RPS6KC1: variants seen among roughly 807,000 people sequenced by gnomAD.
RPS6KC1 encodes inactive ribosomal protein S6 kinase delta-1.
Under a neutral mutation model 103.8 loss-of-function variants are expected in RPS6KC1, and 54 were observed. The observed-to-expected ratio is 0.52, with a 90% CI of 0.42 to 0.65. The LOEUF (loss-of-function observed/expected upper bound fraction) is 0.65. Among genes scored for constraint, RPS6KC1 ranks in the 30% least tolerant of loss-of-function variants. The pLI is 0.00. For synonymous variants in RPS6KC1, 439 were observed against 438.7 expected (o/e 1.00, Z -0.01); for missense variants, 1,151 against 1,253.8 (o/e 0.92, Z 1.24).
the RPS6KC1 span, among the ~76,000 whole-genome samples, chr1:213,596,768 A>G: frequency 1.3e-5 from 2 of 152,222 alleles, no homozygotes; most frequent in African/African-American, 4.8e-5. Flanking sequence ...GGCTCTGTTC[A>G]TTATTTACTT....
the RPS6KC1 span, among the ~76,000 whole-genome samples, chr1:213,467,302 A>G: frequency 1.3e-5 from 2 of 152,238 alleles, no homozygotes; most frequent in Non-Finnish European, 2.9e-5. Context: ...ATGTCATCCA[A>G]TAGTTCCCCT....
At chr1:213,829,868 G>A in the RPS6KC1 span, among the ~76,000 whole-genome samples, 2 of 152,188 alleles carry the variant, frequency 1.3e-5, no homozygotes, top group Non-Finnish European at 2.9e-5. Context: ...TGTATGCATT[G>A]TAACTAGAGC....
At chr1:213,760,582 A>G in the RPS6KC1 span, among the ~76,000 whole-genome samples, 1 of 152,190 alleles carries the variant, frequency 6.6e-6, no homozygotes, top group Admixed American at 6.5e-5. Flanking sequence ...ACTTCTGTCT[A>G]CCTACACAAT....
the RPS6KC1 span, among the ~76,000 whole-genome samples, chr1:213,770,242 T>A: frequency 6.6e-6 from 1 of 152,204 alleles, no homozygotes; most frequent in Non-Finnish European, 1.5e-5. Context: ...CAACTGGGAC[T>A]CAAGCTTGGG....
chr1:213,355,816 T>C, the RPS6KC1 span, among the ~76,000 whole-genome samples: 2 of 152,216 alleles, frequency 1.3e-5, no homozygotes, highest in African/African-American at 4.8e-5. Context: ...CCAGCACGAC[T>C]TATTATTTAA....
At chr1:213,387,119 GACAGTTCA>G in the RPS6KC1 span, among the ~76,000 whole-genome samples, 1 of 152,232 alleles carries the variant, frequency 6.6e-6, no homozygotes, top group Non-Finnish European at 1.5e-5. Flanking sequence ...CAGTAGGGAA[GACAGTTCA>G]ACAACCATGA....
intron 6 of RPS6KC1, 73 bp downstream of exon 6, chr1:213,129,962 A>G: frequency 7.4e-7 from 1 of 1,357,828 alleles, no homozygotes; most frequent in Non-Finnish European, 1.0e-6. Flanking sequence ...ACATACATAT[A>G]TCTTCTGTAT....
At chr1:213,501,423 A>C in the RPS6KC1 span, among the ~76,000 whole-genome samples, 1 of 152,224 alleles carries the variant, frequency 6.6e-6, no homozygotes, top group Admixed American at 6.5e-5. Context: ...TTAGAAGCAA[A>C]TATATATAAA....
chr1:213,247,271 C>G (rs2094469053), intron 12 of RPS6KC1, among the ~76,000 whole-genome samples: 1 of 152,182 alleles, frequency 6.6e-6, no homozygotes, highest in Admixed American at 6.5e-5. Context: ...GGAAACAGCT[C>G]ACAGCTGACG....
At chr1:213,536,197 G>T in the RPS6KC1 span, among the ~76,000 whole-genome samples, 1 of 152,086 alleles carries the variant, frequency 6.6e-6, no homozygotes, top group African/African-American at 2.4e-5. Context: ...CGGCCCTTCA[G>T]GTCTGTTTAT....
At chr1:213,810,808 T>C in the RPS6KC1 span, among the ~76,000 whole-genome samples, 12 of 152,186 alleles carry the variant, frequency 7.9e-5, no homozygotes, top group African/African-American at 2.7e-4. Flanking sequence ...TTCTATGATA[T>C]AAATGTTACC....
chr1:213,197,652 G>A (rs2093002740), intron 8 of RPS6KC1, among the ~76,000 whole-genome samples: 2 of 152,116 alleles, frequency 1.3e-5, no homozygotes, highest in Admixed American at 6.5e-5. Context: ...TGTGTACATT[G>A]ATTTTATATC....
intron 14 of RPS6KC1, among the ~76,000 whole-genome samples, chr1:213,267,196 T>C (rs1372298546): frequency 6.6e-6 from 1 of 151,760 alleles, no homozygotes; most frequent in Non-Finnish European, 1.5e-5. Context: ...AACAGAAGCT[T>C]GAAGGGCTGA....
At chr1:213,590,696 C>T in the RPS6KC1 span, among the ~76,000 whole-genome samples, 3 of 152,240 alleles carry the variant, frequency 2.0e-5, no homozygotes, top group African/African-American at 7.2e-5. Flanking sequence ...GGTGAGGTCA[C>T]TCTCATCAGC....
the RPS6KC1 span, among the ~76,000 whole-genome samples, chr1:213,382,684 G>C: frequency 2.0e-5 from 3 of 152,288 alleles, no homozygotes; most frequent in Non-Finnish European, 2.9e-5. Flanking sequence ...GCCAAACCAA[G>C]GTCAAGCCTG....
intron 8 of RPS6KC1, among the ~76,000 whole-genome samples, chr1:213,188,058 T>C (rs1041954608): frequency 2.6e-5 from 4 of 152,132 alleles, no homozygotes; most frequent in Non-Finnish European, 5.9e-5. Context: ...CCTCTTCTGC[T>C]GAGCAGCCTC....
chr1:213,167,489 C>CACACACACACACACACACACAA (rs141541042), intron 6 of RPS6KC1, among the ~76,000 whole-genome samples: 8 of 126,180 alleles, frequency 6.3e-5, no homozygotes, highest in African/African-American at 2.7e-4. Flanking sequence ...CACACACACA[C>CACACACACACACACACACACAA]AACAGCTGTT....
At chr1:213,471,900 T>G in the RPS6KC1 span, among the ~76,000 whole-genome samples, 1 of 152,088 alleles carries the variant, frequency 6.6e-6, no homozygotes, top group African/African-American at 2.4e-5. Flanking sequence ...CCTTCTCTAT[T>G]TTGACTTGGA....
chr1:213,635,131 G>C, the RPS6KC1 span, among the ~76,000 whole-genome samples: 21,355 of 151,954 alleles, frequency 0.14, 2,351 homozygotes, highest in African/African-American at 0.31. Flanking sequence ...CAATAATTAA[G>C]AGCCTACCAA....
Sources: allele counts gnomAD v4.1 joint callset (sites outside exome capture counted in the v4.1 genomes callset), GRCh38; gene constraint gnomAD v4.1.1; transcripts MANE v1.5; gene names NCBI Gene and HGNC (gene_info 2026-07-23, HGNC 2026-07-21).